HUNK: variants seen among roughly 807,000 people sequenced by gnomAD.
HUNK encodes the protein hormonally up-regulated neu tumor-associated kinase.
In HUNK, 21 loss-of-function variants were observed where a neutral mutation model predicts 61.0. The ratio of observed to expected loss-of-function variants is 0.34; its 90% CI spans 0.24 to 0.50. The LOEUF is 0.50. HUNK is among the 20% of genes least tolerant of loss of function. The pLI is 0.98. For synonymous variants in HUNK, 371 were observed against 386.1 expected (o/e 0.96, Z 0.46); for missense variants, 772 against 945.7 (o/e 0.82, Z 2.41).
intron 5 of HUNK, among the ~76,000 whole-genome samples, chr21:31,959,482 T>A (rs1243860568): frequency 6.6e-6 from 1 of 152,242 alleles, no homozygotes; most frequent in African/African-American, 2.4e-5. Flanking sequence ...GTTACTTGAT[T>A]GGACTGAATC....
intron 3 of HUNK, among the ~76,000 whole-genome samples, chr21:31,943,550 C>T (rs987329214): frequency 6.6e-6 from 1 of 152,154 alleles, no homozygotes; most frequent in Non-Finnish European, 1.5e-5. Context: ...CTGGTTGTTT[C>T]TCTACAAATA....
At chr21:31,957,051 G>A (rs1397053046) in intron 4 of HUNK, among the ~76,000 whole-genome samples, 2 of 152,188 alleles carry the variant, frequency 1.3e-5, no homozygotes, top group Non-Finnish European at 2.9e-5. Context: ...TGTGTGGCAT[G>A]TTCCCTCTTC....
At chr21:31,897,690 C>G (rs2052434789) in intron 1 of HUNK, among the ~76,000 whole-genome samples, 1 of 152,136 alleles carries the variant, frequency 6.6e-6, no homozygotes, top group South Asian at 2.1e-4. Context: ...TTTCTTATCC[C>G]ATCTCATTAG....
chr21:31,925,924 A>T (rs927683998), intron 2 of HUNK, among the ~76,000 whole-genome samples: 9 of 144,038 alleles, frequency 6.2e-5, no homozygotes, highest in African/African-American at 1.3e-4. Context: ...AACCAGAAAT[A>T]TTTTTTTTTT....
At chr21:31,962,750 G>A (rs568879725) in intron 5 of HUNK, among the ~76,000 whole-genome samples, 2 of 152,254 alleles carry the variant, frequency 1.3e-5, no homozygotes, top group Non-Finnish European at 2.9e-5. Context: ...ATAACTATTG[G>A]GATATAGAAA....
chr21:31,979,351 T>TCA lies in HUNK; in HGVS notation c.1174-4175_1174-4174insCA, dbSNP rs2053075280. Among the ~76,000 whole-genome samples the TCA allele has an allele frequency of 2.0e-5, 3 of 151,836 alleles. No homozygotes were observed. In the East Asian group the frequency reaches 5.9e-4, roughly 30 times the overall value. On this transcript the variant is annotated intron_variant, in intron 7 of 10. Coordinates refer to ENST00000270112, the MANE Select transcript of HUNK (RefSeq NM_014586.2). ...CCAGGATGGTCTCAATCTCTTGACC[T>TCA]TGTGATCTGCCTGCCTCGGCCTCCC...
chr21:31,957,021 A>C (rs2052894204), intron 4 of HUNK, among the ~76,000 whole-genome samples: 1 of 152,182 alleles, frequency 6.6e-6, no homozygotes, highest in African/African-American at 2.4e-5. Context: ...ACATGAGCTC[A>C]CACACATGCA....
intron 1 of HUNK, among the ~76,000 whole-genome samples, chr21:31,875,542 C>A (rs1281807850): frequency 6.7e-6 from 1 of 149,626 alleles, no homozygotes; most frequent in East Asian, 2.0e-4. Flanking sequence ...TCCGCAGGAG[C>A]GAGGCACACT....
chr21:31,910,001 T>C (rs1176479785), intron 1 of HUNK, among the ~76,000 whole-genome samples: 2 of 152,224 alleles, frequency 1.3e-5, no homozygotes, highest in Non-Finnish European at 2.9e-5. Context: ...CTGGGGGCTT[T>C]CCCTTTGCCC....
intron 4 of HUNK, among the ~76,000 whole-genome samples, chr21:31,954,282 G>T (rs2052872815): frequency 6.6e-6 from 1 of 152,212 alleles, no homozygotes; most frequent in South Asian, 2.1e-4. Context: ...AATATAAAAG[G>T]TCGTAGAGCA....
intron 7 of HUNK, among the ~76,000 whole-genome samples, chr21:31,982,327 T>C (rs1406573563): frequency 1.3e-5 from 2 of 152,210 alleles, no homozygotes; most frequent in Non-Finnish European, 1.5e-5. Flanking sequence ...TGTTTTTAAC[T>C]GGAGTGAATT....
intron 2 of HUNK, among the ~76,000 whole-genome samples, chr21:31,934,461 A>T (rs1169604399): frequency 6.6e-6 from 1 of 151,824 alleles, no homozygotes; most frequent in Non-Finnish European, 1.5e-5. Flanking sequence ...AAAAAAAAAA[A>T]AATACACGAA....
At chr21:31,900,401 C>T (rs2123798804) in intron 1 of HUNK, among the ~76,000 whole-genome samples, 1 of 150,704 alleles carries the variant, frequency 6.6e-6, no homozygotes, top group East Asian at 2.0e-4. Flanking sequence ...AGCTGCCTCC[C>T]AGGTTGCAGG....
intron 8 of HUNK, among the ~76,000 whole-genome samples, chr21:31,984,809 G>T (rs2053121904): frequency 6.6e-6 from 1 of 152,100 alleles, no homozygotes; most frequent in African/African-American, 2.4e-5. Flanking sequence ...CTTGCCACAG[G>T]AACCTCTCTC....
rs1568940203 is a variant in HUNK at position 31,979,512 on chromosome 21, A to ATTTTTTTTT, written c.1174-4012_1174-4011insTTTTTTTTT. ...GTTTTCTGGCTATTGAGTTGTTTGC[A>ATTTTTTTTT]TTCTTTTTTTTTTTTTTTTTTTTTT... is the stretch of plus-strand genomic sequence containing the variant. On this transcript the variant is annotated intron_variant, in intron 7 of 10. Transcript: ENST00000270112. Among the ~76,000 whole-genome samples, 9 of 99,508 alleles carry ATTTTTTTTT rather than the reference A, an allele frequency of 9.0e-5. 3 individuals are homozygous for ATTTTTTTTT. Among genetic ancestry groups the ATTTTTTTTT allele is most frequent in the Non-Finnish European group, 9.9e-5 (5 of 50,740 alleles). The allele number at this position is 99,508 out of a possible 152,430, so 65.3% of individuals were successfully genotyped here.
At chr21:31,952,422 C>T (rs2052856698) in intron 4 of HUNK, among the ~76,000 whole-genome samples, 1 of 152,206 alleles carries the variant, frequency 6.6e-6, no homozygotes, top group Non-Finnish European at 1.5e-5. Flanking sequence ...TCCGAGGCTC[C>T]TGTCCACATG....
At chr21:31,895,403 C>T (rs2052418181) in intron 1 of HUNK, among the ~76,000 whole-genome samples, 1 of 152,142 alleles carries the variant, frequency 6.6e-6, no homozygotes, top group African/African-American at 2.4e-5. Flanking sequence ...ACTTATCAGC[C>T]CGGTTCCTTT....
At chr21:31,942,215 G>C (rs575621048) in intron 3 of HUNK, among the ~76,000 whole-genome samples, 2 of 152,324 alleles carry the variant, frequency 1.3e-5, no homozygotes, top group South Asian at 4.1e-4. Flanking sequence ...GTCTCAAAAA[G>C]ACTGAGGCTG....
chr21:31,998,861 A>G lies in HUNK; in HGVS notation c.1822A>G (p.Met608Val), dbSNP rs1273997805. 4.3e-6 allele frequency: 7 copies of G among 1,614,166 alleles called. No individual in the cohort carries two copies. The highest frequency in any genetic ancestry group is 5.9e-6 in the Non-Finnish European group (7 of 1,180,034). The change falls in exon 11 of 11, where the codon ATG becomes GTG. Residue 608 changes from methionine to valine, a missense_variant. By Grantham distance (21) the Met-to-Val change is conservative. Coordinates refer to ENST00000270112, the MANE Select transcript of HUNK (RefSeq NM_014586.2). ...TLSPGLPSGS[M>V]SPLHTPLHPT... ...GTCCCCGGGTCTGCCATCCGGAAGC[A>G]TGTCGCCTCTCCATACTCCTTTGCA...
Sources: gnomAD v4.1 joint callset for allele counts (sites outside exome capture counted in the v4.1 genomes callset) on GRCh38, gnomAD v4.1.1 for gene constraint, MANE v1.5 for transcripts, NCBI Gene and HGNC (gene_info 2026-07-23, HGNC 2026-07-21) for gene names.